The following CYB5R2 variants were observed in gnomAD, a reference collection of about 807,000 sequenced individuals.
CYB5R2 encodes cytochrome b5 reductase 2, also known as NADH-cytochrome b5 reductase 2.
In CYB5R2, 35 loss-of-function variants were observed where a neutral mutation model predicts 29.8. The ratio of observed to expected loss-of-function variants is 1.17; its 90% CI spans 0.90 to 1.56. The LOEUF (loss-of-function observed/expected upper bound fraction) is 1.56. CYB5R2 is among the 40% of genes most tolerant of loss of function. The pLI is 0.00. For synonymous variants in CYB5R2, 169 were observed against 130.6 expected (o/e 1.29, Z -2.01); for missense variants, 419 against 346.7 (o/e 1.21, Z -1.66).
intron 3 of CYB5R2, chr11:7,672,236 G>T (rs778454032): frequency 7.2e-6 from 4 of 552,320 alleles, no homozygotes; most frequent in African/African-American, 1.9e-5. Context: ...GCTCACTGAG[G>T]TACCACTCTC....
chr11:7,673,516 G>A (rs561618858), upstream of CYB5R2: 63 of 985,666 alleles, frequency 6.4e-5, no homozygotes, highest in Non-Finnish European at 7.3e-5. Flanking sequence ...TCCGGAATCC[G>A]AGCCGGCCCG....
intron 8 of CYB5R2, chr11:7,665,748 C>G: frequency 1.5e-6 from 2 of 1,305,830 alleles, no homozygotes; most frequent in Non-Finnish European, 2.1e-6. Flanking sequence ...GTCCCAGGCT[C>G]ACTGCAGGGA....
intron 3 of CYB5R2, chr11:7,670,886 C>T (rs1390504977): frequency 2.0e-5 from 3 of 152,184 alleles, no homozygotes; most frequent in Non-Finnish European, 4.4e-5. Context: ...CAGTTTACTC[C>T]CTCAGTTTCT....
intron 8 of CYB5R2, chr11:7,665,812 C>A: frequency 6.6e-7 from 1 of 1,520,948 alleles, no homozygotes; most frequent in South Asian, 1.2e-5. Context: ...GGAAGGAGAA[C>A]ACAACGAGGT....
At chr11:7,672,619 C>T in intron 2 of CYB5R2, 96 bp from the exon 3 acceptor site, 1 of 1,451,118 alleles carries the variant, frequency 6.9e-7, no homozygotes, top group South Asian at 1.2e-5. Context: ...TGGCGCTATT[C>T]CAGCACACAC....
Position 7,673,433 on chromosome 11 carries a change from C to T in CYB5R2, c.-81G>A. ...TCTGTCCCTACCCTACAAGGCCGCC[C>T]TGCTCCTCTCCCAACTCAAGCCCGA... On this transcript the variant is annotated 5_prime_UTR_variant, in exon 1 of 9. Coordinates refer to ENST00000299498, the MANE Select transcript of CYB5R2 (RefSeq NM_016229.5). 1.0e-6 allele frequency: 1 copy of T among 988,014 alleles called. No homozygotes were observed. Among genetic ancestry groups the T allele is most frequent in the East Asian group, 1.1e-4 (1 of 8,850 alleles). The allele number at this position is 988,014 out of a possible 1,614,324, so 61.2% of individuals were successfully genotyped here.
In CYB5R2 at chr11:7,665,173, C is replaced by T. The variant is rs1855025567; in HGVS notation, c.*201G>A. The T allele has an allele frequency of 2.1e-6, 1 of 470,696 alleles. No individual in the cohort carries two copies. The highest frequency in any genetic ancestry group is 4.1e-5 in the South Asian group (1 of 24,178). 29.2% of individuals were successfully genotyped at this position (470,696 alleles called of 1,614,324 possible). A position where few individuals can be genotyped will look rare whatever the true frequency, so the allele number is the denominator to read the frequency against. On this transcript the variant is annotated 3_prime_UTR_variant, in exon 9 of 9. Coordinates refer to ENST00000299498, the MANE Select transcript of CYB5R2 (RefSeq NM_016229.5). ...CTGAAATGGAGCTCTTTCCAGCCTC[C>T]AAGCAAGGAGGCCCCAGCAGCCAGT...
chr11:7,672,495 C>T lies in CYB5R2; in HGVS notation c.107G>A (p.Arg36His), dbSNP rs1855810406. ...EKISHNTRRF[R>H]FGLPSPDHVL... is the part of the protein sequence containing the mutation. Reference sequence around the variant, plus strand: ...ATGGTCCGGCGAAGGCAGTCCAAAGCGGAACCTCCGGGTGTTGTGGCTGAT... The same window carrying T: ...ATGGTCCGGCGAAGGCAGTCCAAAGTGGAACCTCCGGGTGTTGTGGCTGAT... The change falls in exon 3 of 9, where the codon CGC becomes CAC. Residue 36 changes from arginine to histidine, a missense_variant. By Grantham distance (29) the Arg-to-His change is conservative. Transcript: ENST00000299498. 2.5e-6 allele frequency: 4 copies of T among 1,614,222 alleles called. No homozygotes were observed. Among genetic ancestry groups the T allele is most frequent in the East Asian group, 2.2e-5 (1 of 44,882 alleles).
intron 8 of CYB5R2, 24 bp downstream of exon 8, chr11:7,666,427 G>A: frequency 6.8e-7 from 1 of 1,480,592 alleles, no homozygotes; most frequent in Non-Finnish European, 9.4e-7. Context: ...GACCCATGGT[G>A]AGTGAGGGCA....
Position 7,673,469 on chromosome 11 carries a change from T to G in CYB5R2, c.-117A>C. On this transcript the variant is annotated 5_prime_UTR_variant, in exon 1 of 9. Coordinates refer to ENST00000299498, the MANE Select transcript of CYB5R2 (RefSeq NM_016229.5). ...CCAACTCAAGCCCGACAGGGAAAGTTGCCTCTCCTCCCGCCGGGTCACTGG... is the reference window on the plus strand; with the variant it reads ...CCAACTCAAGCCCGACAGGGAAAGTGGCCTCTCCTCCCGCCGGGTCACTGG... 1.0e-6 allele frequency: 1 copy of G among 986,246 alleles called. No homozygotes were observed. The highest frequency in any genetic ancestry group is 1.7e-5 in the African/African-American group (1 of 57,356). 61.1% of individuals were successfully genotyped at this position (986,246 alleles called of 1,614,324 possible). A position where few individuals can be genotyped will look rare whatever the true frequency, so the allele number is the denominator to read the frequency against.
upstream of CYB5R2, chr11:7,673,700 C>T: frequency 1.0e-6 from 1 of 985,964 alleles, no homozygotes; most frequent in Non-Finnish European, 1.2e-6. Context: ...CATAAATACA[C>T]CCCGCCGCGG....
At chr11:7,665,573 G>C in intron 8 of CYB5R2, 27 bp from the exon 9 acceptor site, 1 of 1,574,796 alleles carries the variant, frequency 6.4e-7, no homozygotes, top group Non-Finnish European at 8.6e-7. Flanking sequence ...GCAGGAGCAA[G>C]CTGAGCGATG....
At chr11:7,669,796 G>T in intron 3 of CYB5R2, 65 bp from the exon 4 acceptor site, 2 of 1,172,194 alleles carry the variant, frequency 1.7e-6, no homozygotes, top group African/African-American at 1.5e-5. Context: ...CAGGAATAAA[G>T]GACTGAGCTT....
chr11:7,666,023 G>C (rs1439712665), intron 8 of CYB5R2: 1 of 989,870 alleles, frequency 1.0e-6, no homozygotes. Context: ...CTGGGATGCT[G>C]TCTGGGCTGC....
intron 7 of CYB5R2, 134 bp from the exon 8 acceptor site, chr11:7,666,684 G>GCAAA: frequency 1.7e-6 from 1 of 580,492 alleles, no homozygotes; most frequent in Non-Finnish European, 3.1e-6. Context: ...AACTCCCACG[G>GCAAA]CAAACAAGAG....
At chr11:7,666,926 A>G in intron 7 of CYB5R2, 1 of 169,330 alleles carries the variant, frequency 5.9e-6, no homozygotes, top group Admixed American at 6.1e-5. Flanking sequence ...AGCTCAGTGC[A>G]GGCCCAGGAT....
Position 7,665,387 on chromosome 11 carries a change from A to G in CYB5R2, c.818T>C (p.Ile273Thr). The G allele has an allele frequency of 5.1e-6, 8 of 1,576,284 alleles. No individual in the cohort carries two copies. The highest frequency in any genetic ancestry group is 6.9e-6 in the Non-Finnish European group (8 of 1,163,388). Reference sequence around the variant, plus strand: ...CACGTGGAGGTGTTAGTAGGTGAAAATCATGTCCTGGGTATAACCCAGCTT... The same window carrying G: ...CACGTGGAGGTGTTAGTAGGTGAAAGTCATGTCCTGGGTATAACCCAGCTT... ...LEKLGYTQDM[I>T]FTY The change falls in exon 9 of 9, where the codon ATT (isoleucine) becomes ACT (threonine). Residue 273 changes from isoleucine (I) to threonine (T), a missense_variant. By Grantham distance (89) the Ile-to-Thr change is moderately conservative (BLOSUM62 -1). Coordinates refer to ENST00000299498, the MANE Select transcript of CYB5R2 (RefSeq NM_016229.5).
At position 7,668,783 on chromosome 11, in the gene CYB5R2, G is replaced by A. The variant is rs557419167; in HGVS notation, c.389-222C>T. Reference sequence around the variant, plus strand: ...CTGGGCTTGGTCGGGGAATCGCCGGGCCTTCTGTTCTGAGGAAAAAGAGGG... The same window carrying A: ...CTGGGCTTGGTCGGGGAATCGCCGGACCTTCTGTTCTGAGGAAAAAGAGGG... On this transcript the variant is annotated intron_variant, in intron 5 of 8. Transcript: ENST00000299498. 3.0e-5 allele frequency: 18 copies of A among 605,108 alleles called. No homozygotes were observed. In the African/African-American group the frequency reaches 3.1e-4, roughly 11 times the overall value. 37.5% of individuals were successfully genotyped at this position (605,108 alleles called of 1,614,324 possible). A position where few individuals can be genotyped will look rare whatever the true frequency, so the allele number is the denominator to read the frequency against.
Position 7,668,462 on chromosome 11 carries a change from C to T in CYB5R2, c.472+16G>A, listed in dbSNP as rs370626856. On this transcript the variant is annotated intron_variant, in intron 6 of 8. Transcript: ENST00000299498. ...CGGGGCTCACTCTCTGGATGGAGCC[C>T]CTAGAAGCCTCTTACCTGTGCCCCC... 5 of 1,605,582 alleles carry T rather than the reference C, an allele frequency of 3.1e-6. No homozygotes were observed. The African/African-American group carries it at 6.7e-5, about 21-fold the overall frequency.
Sources: gnomAD v4.1 joint callset for allele counts on GRCh38, gnomAD v4.1.1 for gene constraint, MANE v1.5 for transcripts, NCBI Gene and HGNC (gene_info 2026-07-23, HGNC 2026-07-21) for gene names.